EHD4: variants seen among roughly 807,000 people sequenced by gnomAD.
The protein encoded by EHD4 is EH domain containing 4.
A neutral mutation model predicts 51.0 loss-of-function variants in EHD4; 37 were observed. That is an observed-to-expected ratio of 0.73 (90% CI 0.56 to 0.95). The LOEUF is 0.95. Ranked by LOEUF, EHD4 falls within the 40% of genes least tolerant of loss-of-function variation. The pLI is 0.00. For missense variants in EHD4, 632 were observed against 733.1 expected, an observed-to-expected ratio of 0.86 and a Z score of 1.59; for synonymous variants, 297 against 317.3, an observed-to-expected ratio of 0.94 and a Z score of 0.68.
chr15:41,946,654 A>T (rs1343268869), intron 2 of EHD4, among the ~76,000 whole-genome samples: 1 of 152,192 alleles, frequency 6.6e-6, no homozygotes, highest in Non-Finnish European at 1.5e-5. Flanking sequence ...TGAGCCCAGG[A>T]GGTCGGAGCT....
chr15:41,926,831 C>CTCAGGCTTT lies in EHD4; in HGVS notation c.512-7218_512-7210dup, dbSNP rs372163005. Among the ~76,000 whole-genome samples the CTCAGGCTTT allele has an allele frequency of 2.7e-3, 418 of 152,342 alleles. 3 individuals carry two copies. The highest frequency in any genetic ancestry group is 9.4e-3 in the African/African-American group (392 of 41,570). On this transcript the variant is annotated intron_variant, in intron 3 of 5. Coordinates refer to ENST00000220325, the MANE Select transcript of EHD4 (RefSeq NM_139265.4). ...GTACTTCCCTGTCTCCACACCCTTG[C>CTCAGGCTTT]TCAGGCTTTTCTTTCTGTCTGGAAT... is the stretch of plus-strand genomic sequence containing the variant.
At chr15:41,906,138 G>C (rs1248582536) in intron 5 of EHD4, among the ~76,000 whole-genome samples, 3 of 152,294 alleles carry the variant, frequency 2.0e-5, no homozygotes, top group Non-Finnish European at 4.4e-5. Context: ...TCAAATCCAT[G>C]GACTGGATTG....
intron 1 of EHD4, among the ~76,000 whole-genome samples, chr15:41,961,754 C>G (rs1490577014): frequency 6.6e-6 from 1 of 152,130 alleles, no homozygotes; most frequent in East Asian, 1.9e-4. Flanking sequence ...GACATAATCT[C>G]TTAAGGTGAA....
chr15:41,963,146 C>G (rs2067937140), intron 1 of EHD4, among the ~76,000 whole-genome samples: 1 of 152,194 alleles, frequency 6.6e-6, no homozygotes. Flanking sequence ...CCCAGGGACA[C>G]AAACACTGCG....
At chr15:41,929,522 T>C (rs2067684960) in intron 3 of EHD4, among the ~76,000 whole-genome samples, 1 of 152,216 alleles carries the variant, frequency 6.6e-6, no homozygotes, top group Admixed American at 6.5e-5. Flanking sequence ...TCACTTTCCA[T>C]CTCAGATTAA....
At position 41,919,486 on chromosome 15, in the gene EHD4, CT is replaced by C; in HGVS notation, c.647del (p.Lys216ArgfsTer6). ...CGGCCTTGTTCAGCACGACACGGAT[CT>C]TGTCGTCCTGGCCCCGGAAGGCCTT... ...AIKAFRGQDD[K>X]IRVVLNKADQ... On this transcript the variant is annotated frameshift_variant, in exon 4 of 6. Coordinates refer to ENST00000220325, the MANE Select transcript of EHD4 (RefSeq NM_139265.4). LOFTEE classifies it high-confidence loss of function. The C allele has an allele frequency of 1.9e-6, 3 of 1,558,268 alleles. No homozygotes were observed. Among genetic ancestry groups the C allele is most frequent in the Non-Finnish European group, 2.6e-6 (3 of 1,154,402 alleles).
At chr15:41,970,558 T>C (rs1295057791) in intron 1 of EHD4, among the ~76,000 whole-genome samples, 2 of 152,258 alleles carry the variant, frequency 1.3e-5, no homozygotes, top group African/African-American at 4.8e-5. Context: ...TTCATGTTCC[T>C]GTGAGTTGTA....
chr15:41,901,198 C>A lies in EHD4; in HGVS notation c.1090-17G>T. On this transcript the variant is annotated splice_polypyrimidine_tract_variant and intron_variant, in intron 5 of 5. Coordinates refer to ENST00000220325, the MANE Select transcript of EHD4 (RefSeq NM_139265.4). The stretch of plus-strand genomic sequence containing the variant: ...AAGCTGTTCCTGCAGAAGGACAAAC[C>A]ACAGGATGGGTTACATGTGGTCTCT... 6.5e-7 allele frequency: 1 copy of A among 1,530,862 alleles called. No individual in the cohort carries two copies. The highest frequency in any genetic ancestry group is 8.8e-7 in the Non-Finnish European group (1 of 1,141,530). 94.8% of individuals were successfully genotyped at this position (1,530,862 alleles called of 1,614,324 possible).
At chr15:41,932,151 G>A (rs970748061) in intron 3 of EHD4, among the ~76,000 whole-genome samples, 1 of 152,164 alleles carries the variant, frequency 6.6e-6, no homozygotes, top group African/African-American at 2.4e-5. Context: ...CCACCAAAAG[G>A]ATGGCACCTA....
rs1302618249 is a variant in EHD4, at chr15:41,897,872, G to C, written c.*2773C>G. On this transcript the variant is annotated 3_prime_UTR_variant, in exon 6 of 6. Coordinates refer to ENST00000220325, the MANE Select transcript of EHD4 (RefSeq NM_139265.4). ...TCTCTCCTATACATAAACACTCTGT[G>C]GAAGAGGTTCTTTGAAAATTGGGGT... 1 of 152,194 alleles carries C rather than the reference G, an allele frequency of 6.6e-6. No individual in the cohort carries two copies. The highest frequency in any genetic ancestry group is 1.5e-5 in the Non-Finnish European group (1 of 68,056). The allele number at this position is 152,194 out of a possible 1,614,324, so 9.4% of individuals were successfully genotyped here. A position where few individuals can be genotyped will look rare whatever the true frequency, so the allele number is the denominator to read the frequency against.
At chr15:41,952,755 C>T (rs539373837) in intron 2 of EHD4, among the ~76,000 whole-genome samples, 3 of 152,026 alleles carry the variant, frequency 2.0e-5, no homozygotes, top group Admixed American at 1.3e-4. Context: ...TCTGGGAAGG[C>T]GAGGCGGGTG....
rs1055337502 is a variant in EHD4 at position 41,900,297 on chromosome 15, C to T, written c.*348G>A. ...CAGGCAGCCTGGAGACCCAGCTGCT[C>T]TGGGTGAGCCTTAGCTCACTTCCTG... is the stretch of plus-strand genomic sequence containing the variant. On this transcript the variant is annotated 3_prime_UTR_variant, in exon 6 of 6. Transcript: ENST00000220325. This position sits in a 1 kb window ranked among gnomAD's most constrained non-coding sequence, Gnocchi z 4.8. 6.4e-5 allele frequency: 17 copies of T among 265,572 alleles called. No homozygotes were observed. The highest frequency in any genetic ancestry group is 1.5e-4 in the Admixed American group (3 of 20,004). 16.5% of individuals were successfully genotyped at this position (265,572 alleles called of 1,614,324 possible). A position where few individuals can be genotyped will look rare whatever the true frequency, so the allele number is the denominator to read the frequency against.
At position 41,972,444 on chromosome 15, in the gene EHD4, G is replaced by T. The variant is rs745692865; in HGVS notation, c.51C>A (p.Gly17=). The T allele has an allele frequency of 1.3e-6, 2 of 1,579,098 alleles. No individual in the cohort carries two copies. Among genetic ancestry groups the T allele is most frequent in the Non-Finnish European group, 8.6e-7 (1 of 1,165,490 alleles). ...RQAGGRERAG[G]ADAVQTVTGG... ...CCGTCACCGTCTGCACCGCGTCCGCGCCGCCAGCGCGTTCGCGCCCGCCCG... is the reference window on the plus strand; with the variant it reads ...CCGTCACCGTCTGCACCGCGTCCGCTCCGCCAGCGCGTTCGCGCCCGCCCG... The change falls in exon 1 of 6, where the codon GGC becomes GGA. Residue 17 remains glycine (G), a synonymous_variant. Coordinates refer to ENST00000220325, the MANE Select transcript of EHD4 (RefSeq NM_139265.4).
intron 4 of EHD4, among the ~76,000 whole-genome samples, chr15:41,914,364 T>C (rs975614941): frequency 6.6e-6 from 1 of 152,076 alleles, no homozygotes; most frequent in African/African-American, 2.4e-5. Flanking sequence ...AGTGGGTTTA[T>C]GATAATATAA....
intron 4 of EHD4, among the ~76,000 whole-genome samples, chr15:41,917,786 G>A (rs1354441864): frequency 1.3e-5 from 2 of 152,212 alleles, no homozygotes; most frequent in Non-Finnish European, 2.9e-5. Flanking sequence ...CTGCCTTGCA[G>A]AACTGGAGCA....
intron 1 of EHD4, among the ~76,000 whole-genome samples, chr15:41,956,340 G>A (rs536420817): frequency 1.2e-4 from 19 of 152,122 alleles, no homozygotes; most frequent in Non-Finnish European, 1.8e-4. Context: ...TTCAGATTCC[G>A]GGCCAGGGAG....
intron 1 of EHD4, among the ~76,000 whole-genome samples, chr15:41,962,328 G>A (rs148150675): frequency 3.0e-4 from 45 of 152,192 alleles, no homozygotes; most frequent in African/African-American, 8.9e-4. Context: ...AGTAATGCAC[G>A]CAGAAGAGTC....
intron 1 of EHD4, among the ~76,000 whole-genome samples, chr15:41,968,966 G>A (rs1369846995): frequency 1.3e-5 from 2 of 152,184 alleles, no homozygotes. Flanking sequence ...CGGCTATCCA[G>A]TTGTCCTAGC....
At chr15:41,906,985 C>G (rs2067516901) in intron 5 of EHD4, among the ~76,000 whole-genome samples, 1 of 152,210 alleles carries the variant, frequency 6.6e-6, no homozygotes, top group Admixed American at 6.5e-5. Context: ...TCATGCTTTC[C>G]TTGTTGCCTT....
Sources: allele counts gnomAD v4.1 joint callset (sites outside exome capture counted in the v4.1 genomes callset), GRCh38; gene constraint gnomAD v4.1.1; non-coding constraint Gnocchi (gnomAD v3.1); transcripts MANE v1.5; gene names NCBI Gene and HGNC (gene_info 2026-07-23, HGNC 2026-07-21).